MARCHF11: variants seen among roughly 807,000 people sequenced by gnomAD.
The protein encoded by MARCHF11 is E3 ubiquitin-protein ligase MARCHF11.
A neutral mutation model predicts 37.3 loss-of-function variants in MARCHF11; 29 were observed. The ratio of observed to expected loss-of-function variants is 0.78; its 90% confidence interval spans 0.58 to 1.06. MARCHF11 has a LOEUF of 1.06. Among genes scored for constraint, MARCHF11 ranks in the 50% least tolerant of loss-of-function variants. The pLI is 0.00. For synonymous variants in MARCHF11, 233 were observed against 228.0 expected (o/e 1.02, Z -0.20); for missense variants, 482 against 533.4 (o/e 0.90, Z 0.95).
At chr5:16,091,110 AG>A in intron 2 of MARCHF11, 29 bp from the exon 3 acceptor site, 1 of 1,498,692 alleles carries the variant, frequency 6.7e-7, no homozygotes, top group South Asian at 1.3e-5. Flanking sequence ...CATGTAAGAA[AG>A]GAGCTGTGTA....
chr5:16,128,534 T>C (rs578062720), intron 2 of MARCHF11, among the ~76,000 whole-genome samples: 5 of 152,156 alleles, frequency 3.3e-5, no homozygotes, highest in Admixed American at 2.0e-4. Flanking sequence ...TTGATCAGGG[T>C]CCCACTAAAA....
chr5:16,115,339 C>G (rs1737211661), intron 2 of MARCHF11, among the ~76,000 whole-genome samples: 1 of 152,184 alleles, frequency 6.6e-6, no homozygotes, highest in Non-Finnish European at 1.5e-5. Flanking sequence ...ATTGTGGGTG[C>G]TGGCTTCCTT....
intron 2 of MARCHF11, among the ~76,000 whole-genome samples, chr5:16,125,136 A>T (rs1232260434): frequency 6.6e-6 from 1 of 151,496 alleles, no homozygotes; most frequent in Non-Finnish European, 1.5e-5. Flanking sequence ...TTTAAGCCAT[A>T]CATCGTAATT....
At chr5:16,161,635 C>T (rs555720069) in intron 2 of MARCHF11, among the ~76,000 whole-genome samples, 1 of 151,862 alleles carries the variant, frequency 6.6e-6, no homozygotes, top group South Asian at 2.1e-4. Flanking sequence ...ACTGGCTTCC[C>T]AGCATCTTAC....
Position 16,067,561 on chromosome 5 carries a change from T to C in MARCHF11, c.1119A>G (p.Leu373=), listed in dbSNP as rs1221009086. 11 of 1,613,942 alleles carry C rather than the reference T, an allele frequency of 6.8e-6. No individual in the cohort carries two copies. Among genetic ancestry groups the C allele is most frequent in the Non-Finnish European group, 9.3e-6 (11 of 1,179,856 alleles). The change falls in exon 4 of 4, where the codon TTA becomes TTG. Residue 373 remains leucine, a synonymous_variant. Coordinates refer to ENST00000332432, the MANE Select transcript of MARCHF11 (RefSeq NM_001102562.3). ...TSPRFQCGYV[L]LHLFNRMRPH... ...GCCTCATCCGATTGAACAGGTGCAA[T>C]AACACATAGCCACACTGAAACCTTG...
intron 2 of MARCHF11, among the ~76,000 whole-genome samples, chr5:16,154,185 G>A (rs1363993515): frequency 6.6e-6 from 1 of 151,954 alleles, no homozygotes; most frequent in Admixed American, 6.6e-5. Context: ...TTGGGAGAGT[G>A]ATGCCAGGGG....
chr5:16,067,681 G>A lies in MARCHF11; in HGVS notation c.999C>T (p.Ser333=). 1 of 1,613,946 alleles carries A rather than the reference G, an allele frequency of 6.2e-7. No homozygotes were observed. The highest frequency in any genetic ancestry group is 2.2e-5 in the East Asian group (1 of 44,874). Residue 333 remains serine (S), a synonymous_variant, in exon 4 of 4, where the codon AGC becomes AGT. Coordinates refer to ENST00000332432, the MANE Select transcript of MARCHF11 (RefSeq NM_001102562.3). ...TACTTGTGGAAGACTCTCCCCGGCTGCTTTCTTCGATGTCTGTGGCTTTGT... is the reference window on the plus strand; with the variant it reads ...TACTTGTGGAAGACTCTCCCCGGCTACTTTCTTCGATGTCTGTGGCTTTGT... ...NYDKATDIEE[S]SRGESSTSRT...
At chr5:16,127,978 G>A (rs920530847) in intron 2 of MARCHF11, among the ~76,000 whole-genome samples, 13 of 151,974 alleles carry the variant, frequency 8.6e-5, no homozygotes, top group Admixed American at 8.5e-4. Flanking sequence ...TCTCCTACAT[G>A]CTGCTCATCC....
At chr5:16,154,547 A>G (rs1044537627) in intron 2 of MARCHF11, among the ~76,000 whole-genome samples, 1 of 151,914 alleles carries the variant, frequency 6.6e-6, no homozygotes, top group African/African-American at 2.4e-5. Flanking sequence ...TCTCCCAATT[A>G]CATTGTAAGT....
chr5:16,149,727 T>G (rs1269117260), intron 2 of MARCHF11, among the ~76,000 whole-genome samples: 2 of 152,096 alleles, frequency 1.3e-5, no homozygotes, highest in African/African-American at 4.8e-5. Context: ...TCTCTTGTGC[T>G]TCGACCATCT....
chr5:16,084,210 G>C (rs556043163), intron 3 of MARCHF11, among the ~76,000 whole-genome samples: 2 of 152,234 alleles, frequency 1.3e-5, no homozygotes, highest in South Asian at 4.1e-4. Context: ...TTATTATGCT[G>C]AAATTCTATA....
rs1738440146 is a variant in MARCHF11 at position 16,179,644 on chromosome 5, C to T, written c.-69G>A. The T allele has an allele frequency of 3.2e-6, 3 of 942,968 alleles. No homozygotes were observed. Among genetic ancestry groups the T allele is most frequent in the Non-Finnish European group, 3.8e-6 (3 of 799,428 alleles). The allele number at this position is 942,968 out of a possible 1,614,324, so 58.4% of individuals were successfully genotyped here. On this transcript the variant is annotated 5_prime_UTR_variant, in exon 1 of 4. Coordinates refer to ENST00000332432, the MANE Select transcript of MARCHF11 (RefSeq NM_001102562.3). ...GGGCTCTGGCTGCAGGGAAAGAGAG[C>T]GCGGAGGGGGCGGGAGGGAGAGGGG...
intron 2 of MARCHF11, among the ~76,000 whole-genome samples, chr5:16,106,469 GC>G (rs2126567086): frequency 6.6e-6 from 1 of 152,256 alleles, no homozygotes; most frequent in Admixed American, 6.5e-5. Context: ...CTGTGACTTG[GC>G]CCAATGCCAT....
chr5:16,100,365 C>T (rs1426815172), intron 2 of MARCHF11, among the ~76,000 whole-genome samples: 1 of 152,160 alleles, frequency 6.6e-6, no homozygotes, highest in Non-Finnish European at 1.5e-5. Context: ...GTAAAACTGG[C>T]CCAAGGCCAT....
intron 2 of MARCHF11, among the ~76,000 whole-genome samples, chr5:16,115,313 C>A (rs1391360471): frequency 6.6e-6 from 1 of 152,178 alleles, no homozygotes; most frequent in Non-Finnish European, 1.5e-5. Flanking sequence ...CACTTCTGTG[C>A]GTCCGTGAAT....
intron 2 of MARCHF11, among the ~76,000 whole-genome samples, chr5:16,128,242 C>T (rs1737450010): frequency 6.6e-6 from 1 of 152,128 alleles, no homozygotes; most frequent in South Asian, 2.1e-4. Flanking sequence ...AGATATCCTC[C>T]CTACTCTGAC....
intron 3 of MARCHF11, among the ~76,000 whole-genome samples, chr5:16,080,507 T>A (rs113474631): frequency 0.027 from 4,129 of 152,230 alleles, 173 homozygotes; most frequent in African/African-American, 0.094. Flanking sequence ...ACTGGCCACA[T>A]CCACTTGGAT....
Position 16,145,563 on chromosome 5 carries a change from A to C in MARCHF11, c.693+32163T>G, listed in dbSNP as rs560205354. Among the ~76,000 whole-genome samples, 20 of 152,288 alleles carry C rather than the reference A, an allele frequency of 1.3e-4. No homozygotes were observed. The East Asian group carries it at 3.9e-3, about 29-fold the overall frequency. On this transcript the variant is annotated intron_variant, in intron 2 of 3. Coordinates refer to ENST00000332432, the MANE Select transcript of MARCHF11 (RefSeq NM_001102562.3). The stretch of plus-strand genomic sequence containing the variant: ...TATTTTATTATAGCAATCCAAGCAG[A>C]CTAATAACAGTTCTTTATGGAAGAA...
At chr5:16,172,676 G>A (rs1738290012) in intron 2 of MARCHF11, among the ~76,000 whole-genome samples, 1 of 152,172 alleles carries the variant, frequency 6.6e-6, no homozygotes, top group African/African-American at 2.4e-5. Flanking sequence ...GTTTTCAATG[G>A]TAATTTTTCA....
Sources: gnomAD v4.1 joint callset for allele counts (sites outside exome capture counted in the v4.1 genomes callset) on GRCh38, gnomAD v4.1.1 for gene constraint, MANE v1.5 for transcripts, NCBI Gene and HGNC (gene_info 2026-07-23, HGNC 2026-07-21) for gene names.